The following STAG1 variants were observed in gnomAD, a reference collection of about 807,000 sequenced individuals.
STAG1 encodes STAG1 cohesin complex component.
A neutral mutation model predicts 170.9 loss-of-function variants in STAG1; 26 were observed. The observed-to-expected ratio is 0.15, with a 90% CI of 0.11 to 0.21. STAG1 has a LOEUF of 0.21. STAG1 is among the 10% of genes least tolerant of loss of function. The pLI is 1.00. For missense variants in STAG1, 964 were observed against 1,509.5 expected (o/e 0.64, Z 5.99); for synonymous variants, 514 against 497.7 (o/e 1.03, Z -0.44).
chr3:136,562,265 T>TC (rs902875183), intron 5 of STAG1, among the ~76,000 whole-genome samples: 1 of 151,534 alleles, frequency 6.6e-6, no homozygotes, highest in Non-Finnish European at 1.5e-5. Flanking sequence ...CATTTCTTTT[T>TC]CTTTTTTTTT....
At chr3:136,573,470 T>G (rs919382830) in intron 4 of STAG1, among the ~76,000 whole-genome samples, 2 of 152,100 alleles carry the variant, frequency 1.3e-5, no homozygotes, top group African/African-American at 2.4e-5. Context: ...AATGACACAC[T>G]TCCCATCAAA....
intron 25 of STAG1, among the ~76,000 whole-genome samples, chr3:136,364,078 T>G (rs920809267): frequency 1.3e-5 from 2 of 150,244 alleles, no homozygotes; most frequent in African/African-American, 4.9e-5. Flanking sequence ...TCTTGTTTTT[T>G]GTTTTTGCTT....
In STAG1 at chr3:136,729,570, C is replaced by CTT. The variant is rs34078029; in HGVS notation, c.-84+22623_-84+22624dup. Among the ~76,000 whole-genome samples, 321 of 94,634 alleles carry CTT rather than the reference C, an allele frequency of 3.4e-3. 5 individuals carry two copies. The East Asian group carries it at 0.058, about 17-fold the overall frequency. 62.1% of individuals were successfully genotyped at this position (94,634 alleles called of 152,430 possible). A position where few individuals can be genotyped will look rare whatever the true frequency, so the allele number is the denominator to read the frequency against. On this transcript the variant is annotated intron_variant, in intron 1 of 33. Transcript: ENST00000383202. ...AATATCTACAACATCTGTAGTTTTC[C>CTT]TTTTTTTTTTTTTTTTTTTTTTGAG...
At chr3:136,586,717 C>T in intron 4 of STAG1, 1 of 328,596 alleles carries the variant, frequency 3.0e-6, no homozygotes, top group African/African-American at 2.2e-5. Flanking sequence ...TTCTAATTAC[C>T]TAAAAATAAT....
At chr3:136,464,302 A>C (rs1381431912) in intron 13 of STAG1, among the ~76,000 whole-genome samples, 1 of 152,168 alleles carries the variant, frequency 6.6e-6, no homozygotes, top group Admixed American at 6.5e-5. Context: ...GCATGCCTGT[A>C]ATCCCAGCTA....
At chr3:136,400,536 TTTC>T (rs2087293855) in intron 21 of STAG1, among the ~76,000 whole-genome samples, 1 of 150,902 alleles carries the variant, frequency 6.6e-6, no homozygotes, top group East Asian at 2.0e-4. Context: ...ATAAATTTTC[TTTC>T]TTTTTTTTTT....
chr3:136,384,730 T>C (rs894089501), intron 22 of STAG1, among the ~76,000 whole-genome samples: 1 of 150,576 alleles, frequency 6.6e-6, no homozygotes, highest in Non-Finnish European at 1.5e-5. Context: ...ATTACGCCAC[T>C]GCACTCTAGC....
chr3:136,486,655 T>C (rs1463067928), intron 9 of STAG1, among the ~76,000 whole-genome samples: 1 of 152,178 alleles, frequency 6.6e-6, no homozygotes, highest in Non-Finnish European at 1.5e-5. Flanking sequence ...AGGTACAGCA[T>C]GCTGATTAAA....
intron 5 of STAG1, among the ~76,000 whole-genome samples, chr3:136,565,166 G>A (rs901460077): frequency 1.3e-5 from 2 of 150,494 alleles, no homozygotes; most frequent in African/African-American, 2.5e-5. Flanking sequence ...GAAAGGGAAA[G>A]GAAAGGAAAG....
intron 21 of STAG1, among the ~76,000 whole-genome samples, chr3:136,405,220 T>C (rs1169693844): frequency 7.5e-6 from 1 of 133,298 alleles, no homozygotes; most frequent in East Asian, 2.2e-4. Flanking sequence ...AATAAACACA[T>C]GAAAAAACCT....
At chr3:136,595,171 A>T (rs1938367802) in intron 4 of STAG1, among the ~76,000 whole-genome samples, 1 of 152,116 alleles carries the variant, frequency 6.6e-6, no homozygotes, top group Non-Finnish European at 1.5e-5. Flanking sequence ...AAAGCAAAAA[A>T]TATCACTTAG....
chr3:136,638,740 TA>T (rs1940679131), intron 1 of STAG1, among the ~76,000 whole-genome samples: 1 of 151,920 alleles, frequency 6.6e-6, no homozygotes, highest in Non-Finnish European at 1.5e-5. Context: ...TCGTCTCTGC[TA>T]AAAATACAAA....
Position 136,751,673 on chromosome 3 carries a change from A to G in STAG1, c.-84+522T>C, listed in dbSNP as rs184895078. On this transcript the variant is annotated intron_variant, in intron 1 of 33. Transcript: ENST00000383202. ...GCGACCCCCCAGGCCCCTCCGCTGA[A>G]ATGAACTCGTTGTCATGTGACGCCG... is the stretch of plus-strand genomic sequence containing the variant. Among the ~76,000 whole-genome samples, 1,144 of 152,144 alleles carry G rather than the reference A, an allele frequency of 7.5e-3. 18 individuals are homozygous for G. The highest frequency in any genetic ancestry group is 0.026 in the African/African-American group (1,091 of 41,526).
At chr3:136,729,780 T>C (rs1333010486) in intron 1 of STAG1, among the ~76,000 whole-genome samples, 2 of 151,628 alleles carry the variant, frequency 1.3e-5, no homozygotes, top group Non-Finnish European at 2.9e-5. Context: ...GATTTTGCTA[T>C]GTTGGCCAGG....
At chr3:136,671,567 TGAA>T (rs1303213295) in intron 1 of STAG1, among the ~76,000 whole-genome samples, 2 of 152,134 alleles carry the variant, frequency 1.3e-5, no homozygotes, top group Non-Finnish European at 2.9e-5. Flanking sequence ...ACAGGACTCT[TGAA>T]GAAGGAGTTT....
intron 6 of STAG1, among the ~76,000 whole-genome samples, chr3:136,528,287 C>T (rs905126781): frequency 6.6e-6 from 1 of 152,104 alleles, no homozygotes; most frequent in Non-Finnish European, 1.5e-5. Context: ...CAATGGCAGG[C>T]GACCCTCCCC....
intron 5 of STAG1, among the ~76,000 whole-genome samples, chr3:136,562,622 C>T (rs1936891778): frequency 6.6e-6 from 1 of 152,046 alleles, no homozygotes; most frequent in African/African-American, 2.4e-5. Flanking sequence ...AGTTTTGCTC[C>T]TGTTGCCCAG....
chr3:136,705,134 G>C (rs10212476), intron 1 of STAG1, among the ~76,000 whole-genome samples: 2,003 of 152,168 alleles, frequency 0.013, 27 homozygotes, highest in Middle Eastern at 0.031. Flanking sequence ...CCAGCACTTT[G>C]GGAGGCCAAG....
At chr3:136,685,649 T>C (rs752948598) in intron 1 of STAG1, among the ~76,000 whole-genome samples, 4 of 152,204 alleles carry the variant, frequency 2.6e-5, no homozygotes, top group Non-Finnish European at 5.9e-5. Context: ...GGAAGAACTT[T>C]AAATGCATAT....
Sources: allele counts gnomAD v4.1 joint callset (sites outside exome capture counted in the v4.1 genomes callset), GRCh38; gene constraint gnomAD v4.1.1; transcripts MANE v1.5; gene names NCBI Gene and HGNC (gene_info 2026-07-23, HGNC 2026-07-21).